The following SSX5 variants were observed in gnomAD, a reference collection of about 807,000 sequenced individuals.
The protein encoded by SSX5 is SSX family member 5.
SSX5 carries 14 observed loss-of-function variants against 14.9 expected under a neutral mutation model. The ratio of observed to expected loss-of-function variants is 0.94; its 90% confidence interval spans 0.62 to 1.47. The LOEUF is 1.47. Ranked by LOEUF, SSX5 falls within the 40% of genes most tolerant of loss-of-function variation. SSX5 has a pLI of 0.00. For synonymous variants in SSX5, 70 were observed against 55.4 expected (o/e 1.26, Z -1.17); for missense variants, 204 against 154.6 (o/e 1.32, Z -1.70).
intron 1 of SSX5, among the ~76,000 whole-genome samples, chrX:48,196,405 G>T (rs1398324224): frequency 9.8e-6 from 1 of 102,443 alleles, no homozygotes; most frequent in Non-Finnish European, 2.0e-5. Flanking sequence ...GGTCAGACAA[G>T]GTCTTGCTCT....
chrX:48,192,294 A>G lies in SSX5; in HGVS notation c.281-13T>C. On this transcript the variant is annotated splice_polypyrimidine_tract_variant and intron_variant, in intron 4 of 7. Transcript: ENST00000347757. ...TGAGGATGTTCAACTGAAAGAGAAT[A>G]CATCAGAATTTTTCTTTGTTGGTAA... 8.3e-7 allele frequency: 1 copy of G among 1,211,229 alleles called. No individual in the cohort carries two copies. The highest frequency in any genetic ancestry group is 1.1e-6 in the Non-Finnish European group (1 of 895,216).
At chrX:48,190,486 C>T (rs1273405009) in intron 5 of SSX5, among the ~76,000 whole-genome samples, 2 of 111,885 alleles carry the variant, frequency 1.8e-5, no homozygotes, top group African/African-American at 6.5e-5. Flanking sequence ...TTCTTCTTAT[C>T]TTCACACTGT....
chrX:48,186,335 A>G lies in SSX5; in HGVS notation c.*526T>C. On this transcript the variant is annotated 3_prime_UTR_variant, in exon 8 of 8. Coordinates refer to ENST00000347757, the MANE Select transcript of SSX5 (RefSeq NM_175723.2). ...GGCTTGACCAGGACACATGGGGAAA[A>G]GCAGTTGGGAGATGCCTATACTGGT... 1 of 191,652 alleles carries G rather than the reference A, an allele frequency of 5.2e-6. No individual in the cohort carries two copies. The allele number at this position is 191,652 out of a possible 1,213,427, so 15.8% of individuals were successfully genotyped here. A position where few individuals can be genotyped will look rare whatever the true frequency, so the allele number is the denominator to read the frequency against.
At chrX:48,187,584 C>G (rs782614168) in intron 7 of SSX5, 43 bp downstream of exon 7, 7 of 1,168,708 alleles carry the variant, frequency 6.0e-6, no homozygotes, top group Non-Finnish European at 8.1e-6. Context: ...AACAGAATAG[C>G]ACATCTGCAA....
At position 48,190,104 on chromosome X, in the gene SSX5, G is replaced by A. The variant is rs200254056; in HGVS notation, c.466+29C>T. 3 of 1,208,159 alleles carry A rather than the reference G, an allele frequency of 2.5e-6. No homozygotes were observed. The East Asian group carries it at 8.9e-5, about 36-fold the overall frequency. Reference sequence around the variant, plus strand: ...CCTGAACTTAGCGAGAAAAGCCAGAGTGGTTGTTCCCAAATTCTTTTCTCT... The same window carrying A: ...CCTGAACTTAGCGAGAAAAGCCAGAATGGTTGTTCCCAAATTCTTTTCTCT... On this transcript the variant is annotated intron_variant, in intron 6 of 7. Transcript: ENST00000347757.
At chrX:48,190,816 G>A (rs1556924623) in intron 5 of SSX5, among the ~76,000 whole-genome samples, 3 of 111,382 alleles carry the variant, frequency 2.7e-5, no homozygotes, top group Admixed American at 9.6e-5. Flanking sequence ...CCAGCCTACC[G>A]AGGCACCAAC....
rs2059398824 is a variant in SSX5, at chrX:48,186,662, G to A, written c.*199C>T. ...CTAATATCTAACAGAATGGCACACT[G>A]TAACAAAATACAACAGAAACACTAA... On this transcript the variant is annotated 3_prime_UTR_variant, in exon 8 of 8. Coordinates refer to ENST00000347757, the MANE Select transcript of SSX5 (RefSeq NM_175723.2). 1 of 798,689 alleles carries A rather than the reference G, an allele frequency of 1.3e-6. No homozygotes were observed. The highest frequency in any genetic ancestry group is 2.1e-5 in the African/African-American group (1 of 48,599). 65.8% of individuals were successfully genotyped at this position (798,689 alleles called of 1,213,427 possible).
chrX:48,192,073 T>G (rs782534779), intron 5 of SSX5, among the ~76,000 whole-genome samples, 159 bp downstream of exon 5: 13 of 112,382 alleles, frequency 1.2e-4, no homozygotes, highest in African/African-American at 3.5e-4. Flanking sequence ...GGATCACAAC[T>G]GTTAGTATTA....
Position 48,186,920 on chromosome X carries a change from T to C in SSX5, c.*5-64A>G, listed in dbSNP as rs562336569. The C allele has an allele frequency of 3.4e-6, 4 of 1,171,730 alleles. No individual in the cohort carries two copies. The East Asian group carries it at 1.2e-4, about 35-fold the overall frequency. ...GTTCCCACCACATGACAACTCAATC[T>C]CAACTCCTCCTGACCTGCAGACCCT... On this transcript the variant is annotated intron_variant, in intron 7 of 7. Transcript: ENST00000347757.
In SSX5 at chrX:48,194,859, A is replaced by G. The variant is rs188838209; in HGVS notation, c.70-5T>C. 5.7e-4 allele frequency: 389 copies of G among 684,971 alleles called. 3 individuals are homozygous for G. The African/African-American group carries it at 7.3e-3, about 13-fold the overall frequency. The allele number at this position is 684,971 out of a possible 1,213,427, so 56.4% of individuals were successfully genotyped here. On this transcript the variant is annotated splice_polypyrimidine_tract_variant and splice_region_variant and intron_variant, in intron 2 of 7. Transcript: ENST00000347757. Reference sequence around the variant, plus strand: ...TTTGGCAATATCATCGAAGGCCTAGAAAAAAAAAAAGGATTTCTGATAGTG... The same window carrying G: ...TTTGGCAATATCATCGAAGGCCTAGGAAAAAAAAAAGGATTTCTGATAGTG...
chrX:48,186,403 T>TGTGTGTGTGCGCGC lies in SSX5; in HGVS notation c.*457_*458insGCGCGCACACACAC, dbSNP rs1327257757. 1 of 126,228 alleles carries TGTGTGTGTGCGCGC rather than the reference T, an allele frequency of 7.9e-6. No homozygotes were observed. The highest frequency in any genetic ancestry group is 4.0e-5 in the African/African-American group (1 of 25,028). The allele number at this position is 126,228 out of a possible 1,213,427, so 10.4% of individuals were successfully genotyped here. Reference sequence around the variant, plus strand: ...GTGTGTGTGTGTGTGTGTGTGTGTGTGCGCGCGCGCGCGCATGTGTGTCTG... The same window carrying TGTGTGTGTGCGCGC: ...GTGTGTGTGTGTGTGTGTGTGTGTGTGTGTGTGTGCGCGCGCGCGCGCGCGCGCATGTGTGTCTG... On this transcript the variant is annotated 3_prime_UTR_variant, in exon 8 of 8. Transcript: ENST00000347757.
Position 48,192,092 on chromosome X carries a change from T to G in SSX5, c.330+140A>C, listed in dbSNP as rs1601920784. 1.0e-5 allele frequency: 10 copies of G among 991,226 alleles called. No homozygotes were observed. The East Asian group carries it at 1.8e-4, about 18-fold the overall frequency. The allele number at this position is 991,226 out of a possible 1,213,427, so 81.7% of individuals were successfully genotyped here. A position where few individuals can be genotyped will look rare whatever the true frequency, so the allele number is the denominator to read the frequency against. On this transcript the variant is annotated intron_variant, in intron 5 of 7. Transcript: ENST00000347757. ...CACAACTGTTAGTATTAGCAAGCCG[T>G]CGGTGCTACATCAGGTGTTGTGATA...
rs368860220 is a variant in SSX5, at chrX:48,194,848, C to G, written c.76G>C (p.Asp26His). ...TCAGAGAAGTATTTGGCAATATCAT[C>G]GAAGGCCTAGAAAAAAAAAAAGGAT... Reference protein sequence around the residue: ...QIPEKMQKAFDDIAKYFSEKE... With the variant: ...QIPEKMQKAFHDIAKYFSEKE... The change falls in exon 3 of 8, where the codon GAT (aspartate) becomes CAT (histidine). Residue 26 changes from aspartate to histidine, a missense_variant. Coordinates refer to ENST00000347757, the MANE Select transcript of SSX5 (RefSeq NM_175723.2). 7.5e-6 allele frequency: 9 copies of G among 1,201,066 alleles called. No homozygotes were observed. In the African/African-American group the frequency reaches 1.6e-4, roughly 21 times the overall value.
At chrX:48,188,366 A>C (rs1556924194) in intron 6 of SSX5, among the ~76,000 whole-genome samples, 1 of 112,558 alleles carries the variant, frequency 8.9e-6, no homozygotes, top group African/African-American at 3.2e-5. Context: ...CTATCCCCTC[A>C]AACATTTATC....
rs1601916376 is a variant in SSX5 at position 48,186,388 on chromosome X, G to C, written c.*473C>G. The C allele has an allele frequency of 4.3e-6, 1 of 233,230 alleles. No individual in the cohort carries two copies. Among genetic ancestry groups the C allele is most frequent in the East Asian group, 1.0e-4 (1 of 9,952 alleles). The allele number at this position is 233,230 out of a possible 1,213,427, so 19.2% of individuals were successfully genotyped here. A position where few individuals can be genotyped will look rare whatever the true frequency, so the allele number is the denominator to read the frequency against. On this transcript the variant is annotated 3_prime_UTR_variant, in exon 8 of 8. Transcript: ENST00000347757. ...TTGGTGTGTGTGTGTGTGTGTGTGTGTGTGTGTGTGTGTGTGCGCGCGCGC... is the reference window on the plus strand; with the variant it reads ...TTGGTGTGTGTGTGTGTGTGTGTGTCTGTGTGTGTGTGTGTGCGCGCGCGC...
chrX:48,186,821 T>C lies in SSX5; in HGVS notation c.*40A>G. The C allele has an allele frequency of 8.3e-7, 1 of 1,198,388 alleles. No individual in the cohort carries two copies. ...ATGTTCGTGAAAGGTCACCACGTTC[T>C]GCTTCTCATCATGGGCATGTGTCAT... On this transcript the variant is annotated 3_prime_UTR_variant, in exon 8 of 8. Transcript: ENST00000347757.
Position 48,186,403 on chromosome X carries a change from TGCGC to T in SSX5, c.*454_*457del, listed in dbSNP as rs1315296517. On this transcript the variant is annotated 3_prime_UTR_variant, in exon 8 of 8. Transcript: ENST00000347757. ...GTGTGTGTGTGTGTGTGTGTGTGTGTGCGCGCGCGCGCGCATGTGTGTCTGTGTG... is the reference window on the plus strand; with the variant it reads ...GTGTGTGTGTGTGTGTGTGTGTGTGTGCGCGCGCGCATGTGTGTCTGTGTG... The T allele has an allele frequency of 2.4e-4, 33 of 140,087 alleles. 2 individuals are homozygous for T. Among genetic ancestry groups the T allele is most frequent in the East Asian group, 1.9e-3 (10 of 5,404 alleles). 11.5% of individuals were successfully genotyped at this position (140,087 alleles called of 1,213,427 possible).
Position 48,194,800 on chromosome X carries a change from C to T in SSX5, c.124G>A (p.Ala42Thr), listed in dbSNP as rs376667558. 1 of 1,208,542 alleles carries T rather than the reference C, an allele frequency of 8.3e-7. No individual in the cohort carries two copies. The highest frequency in any genetic ancestry group is 2.2e-5 in the Admixed American group (1 of 45,576). The change falls in exon 3 of 8, where the codon GCC becomes ACC. Residue 42 changes from alanine (A) to threonine (T), a missense_variant. Ala to Thr is a moderately conservative substitution (Grantham distance 58). Transcript: ENST00000347757. ...TACACATAGATGATTTTCTCCGAGG[C>T]TTTCATCTTTTCCCACTCTTTCTCA... ...FSEKEWEKMK[A>T]SEKIIYVYMK...
chrX:48,193,727 C>T (rs1170555061), intron 4 of SSX5, among the ~76,000 whole-genome samples: 4 of 110,075 alleles, frequency 3.6e-5, no homozygotes, highest in Non-Finnish European at 7.6e-5. Context: ...CCACCCTGGC[C>T]GAGAAGAGTG....
Sources: allele counts gnomAD v4.1 joint callset (sites outside exome capture counted in the v4.1 genomes callset), GRCh38; gene constraint gnomAD v4.1.1; transcripts MANE v1.5; gene names NCBI Gene and HGNC (gene_info 2026-07-23, HGNC 2026-07-21).